The following KIF26B variants were observed in gnomAD, a reference collection of about 807,000 sequenced individuals.
The protein encoded by KIF26B is kinesin-like protein KIF26B.
Under a neutral mutation model 151.2 loss-of-function variants are expected in KIF26B, and 63 were observed. That is an observed-to-expected ratio of 0.42 (90% CI 0.34 to 0.51). The LOEUF (loss-of-function observed/expected upper bound fraction) is 0.51, where lower values mean the gene tolerates loss of function less well. KIF26B is among the 20% of genes least tolerant of loss of function. The pLI, the probability that KIF26B is intolerant of heterozygous loss-of-function variation, is 0.07. For missense variants in KIF26B, 2,813 were observed against 2,913.6 expected, an observed-to-expected ratio of 0.97 and a Z score of 0.79; for synonymous variants, 1,357 against 1,262.1, an observed-to-expected ratio of 1.08 and a Z score of -1.59.
intron 4 of KIF26B, among the ~76,000 whole-genome samples, chr1:245,520,558 A>C (rs1402275241): frequency 6.7e-6 from 1 of 149,556 alleles, no homozygotes; most frequent in African/African-American, 2.5e-5. Context: ...TCATCCATCC[A>C]TCCACCCATT....
chr1:245,602,984 C>T lies in KIF26B; in HGVS notation c.1557+201C>T, dbSNP rs1282233603. Among the ~76,000 whole-genome samples, 2 of 152,026 alleles carry T rather than the reference C, an allele frequency of 1.3e-5. No individual in the cohort carries two copies. Among genetic ancestry groups the T allele is most frequent in the Non-Finnish European group, 2.9e-5 (2 of 68,022 alleles). On this transcript the variant is annotated intron_variant, in intron 6 of 14. Transcript: ENST00000407071. This position sits in a 1 kb window ranked among gnomAD's most constrained non-coding sequence, Gnocchi z 4.5. ...AGACCTTGGGCAGGATCAGTGTGCA[C>T]AGATTTCAATAAAATCTGTCCTTGG... is the stretch of plus-strand genomic sequence containing the variant.
intron 3 of KIF26B, among the ~76,000 whole-genome samples, chr1:245,382,137 G>A (rs1673425178): frequency 6.6e-6 from 1 of 152,106 alleles, no homozygotes; most frequent in South Asian, 2.1e-4. Context: ...TTGTTGGGGA[G>A]CCACCATACT....
intron 10 of KIF26B, among the ~76,000 whole-genome samples, chr1:245,676,640 T>A (rs922872893): frequency 6.6e-6 from 1 of 152,244 alleles, no homozygotes; most frequent in African/African-American, 2.4e-5. Flanking sequence ...AATAGATTCA[T>A]GTGGCCCAAA....
In KIF26B at chr1:245,587,696, A is replaced by G. The variant is rs2043242691; in HGVS notation, c.1351-14881A>G. On this transcript the variant is annotated intron_variant, in intron 5 of 14. Transcript: ENST00000407071. ...CTTGAAGGCAAGATCAGACAGCTCTACGTAAGCCAGAGCTCTGAAACAAAG... is the reference window on the plus strand; with the variant it reads ...CTTGAAGGCAAGATCAGACAGCTCTGCGTAAGCCAGAGCTCTGAAACAAAG... 2.0e-5 allele frequency among the ~76,000 whole-genome samples: 3 copies of G among 152,212 alleles called. No individual in the cohort carries two copies. In the South Asian group the frequency reaches 6.2e-4, roughly 32 times the overall value.
intron 2 of KIF26B, among the ~76,000 whole-genome samples, chr1:245,160,260 G>A (rs1000829606): frequency 4.6e-5 from 7 of 152,150 alleles, no homozygotes; most frequent in Admixed American, 2.0e-4. Context: ...GGTTTATATC[G>A]TTTCTCTTTT....
At chr1:245,195,917 A>T (rs1375509604) in intron 2 of KIF26B, among the ~76,000 whole-genome samples, 1 of 152,162 alleles carries the variant, frequency 6.6e-6, no homozygotes, top group East Asian at 1.9e-4. Flanking sequence ...GCTCTAATAG[A>T]TGGGTAAGAT....
intron 4 of KIF26B, among the ~76,000 whole-genome samples, chr1:245,526,206 T>C (rs1014831065): frequency 1.3e-5 from 2 of 152,220 alleles, no homozygotes; most frequent in Admixed American, 1.3e-4. Context: ...ATGAGTGTCC[T>C]TTATTGCCCA....
chr1:245,353,208 A>G (rs1672608635), intron 2 of KIF26B, among the ~76,000 whole-genome samples: 1 of 152,180 alleles, frequency 6.6e-6, no homozygotes. Flanking sequence ...GAATGACTAG[A>G]GGCAGCAGGG....
chr1:245,565,289 TTTTG>T (rs1385091879), intron 5 of KIF26B, among the ~76,000 whole-genome samples: 1 of 137,304 alleles, frequency 7.3e-6, no homozygotes, highest in Non-Finnish European at 1.6e-5. Flanking sequence ...TTTTGGGTTT[TTTTG>T]TTTTTTTTAT....
intron 5 of KIF26B, among the ~76,000 whole-genome samples, chr1:245,541,556 C>T (rs1448006666): frequency 1.3e-5 from 2 of 152,222 alleles, no homozygotes; most frequent in African/African-American, 4.8e-5. Flanking sequence ...TTCTTTCTCC[C>T]TTCCGAGGAA....
intron 4 of KIF26B, among the ~76,000 whole-genome samples, chr1:245,439,184 C>CA (rs754686260): frequency 1.3e-5 from 2 of 151,322 alleles, no homozygotes; most frequent in Non-Finnish European, 2.9e-5. Flanking sequence ...CCTGTCTCTA[C>CA]AAAAAATAAA....
intron 10 of KIF26B, among the ~76,000 whole-genome samples, chr1:245,681,228 G>GAC (rs1553304266): frequency 2.8e-4 from 37 of 132,026 alleles, no homozygotes; most frequent in South Asian, 4.8e-4. Context: ...TTTTTTTTTT[G>GAC]AGACAGAGTC....
At chr1:245,652,728 C>A (rs1054238801) in intron 10 of KIF26B, among the ~76,000 whole-genome samples, 2 of 152,178 alleles carry the variant, frequency 1.3e-5, no homozygotes, top group Non-Finnish European at 2.9e-5. Context: ...GAACTCTACA[C>A]CTCGTCCTTT....
At chr1:245,280,484 T>C (rs1671021723) in intron 2 of KIF26B, among the ~76,000 whole-genome samples, 2 of 135,048 alleles carry the variant, frequency 1.5e-5, no homozygotes, top group Non-Finnish European at 3.0e-5. Flanking sequence ...TAAGCCGAGA[T>C]CGCACCACTG....
At chr1:245,165,765 G>A (rs993300603) in intron 2 of KIF26B, among the ~76,000 whole-genome samples, 2 of 152,168 alleles carry the variant, frequency 1.3e-5, no homozygotes, top group African/African-American at 4.8e-5. Context: ...GGGCATAGGG[G>A]TGACAAAAGG....
chr1:245,641,168 T>C (rs893829797), intron 9 of KIF26B, among the ~76,000 whole-genome samples: 1 of 152,106 alleles, frequency 6.6e-6, no homozygotes, highest in Admixed American at 6.5e-5. Context: ...CCTCCTGACC[T>C]GTAAAATTTC....
chr1:245,527,178 C>A (rs1661254597), intron 4 of KIF26B, among the ~76,000 whole-genome samples: 1 of 152,172 alleles, frequency 6.6e-6, no homozygotes, highest in Admixed American at 6.5e-5. Context: ...ACATTAGATT[C>A]CTTCGATTCT....
chr1:245,584,812 C>T (rs2043207634), intron 5 of KIF26B, among the ~76,000 whole-genome samples: 2 of 152,248 alleles, frequency 1.3e-5, no homozygotes, highest in South Asian at 4.1e-4. Flanking sequence ...GCCTATTGAT[C>T]CTTCCTAAGG....
intron 9 of KIF26B, among the ~76,000 whole-genome samples, chr1:245,637,700 G>C (rs1029459967): frequency 5.9e-5 from 9 of 151,936 alleles, no homozygotes; most frequent in Admixed American, 1.3e-4. Flanking sequence ...TGAAGCTCTA[G>C]TTTCATTCTT....
Sources: gnomAD v4.1 joint callset for allele counts (sites outside exome capture counted in the v4.1 genomes callset) on GRCh38, gnomAD v4.1.1 for gene constraint, Gnocchi (gnomAD v3.1) non-coding constraint, MANE v1.5 for transcripts, NCBI Gene and HGNC (gene_info 2026-07-23, HGNC 2026-07-21) for gene names.